ACTR5: variants seen among roughly 807,000 people sequenced by gnomAD.
ACTR5 encodes the protein actin-related protein 5.
A neutral mutation model predicts 61.2 loss-of-function variants in ACTR5; 43 were observed. That is an observed-to-expected ratio of 0.70 (90% confidence interval 0.55 to 0.91). The LOEUF is 0.91. Ranked by LOEUF, ACTR5 falls within the 40% of genes least tolerant of loss-of-function variation. The probability of loss-of-function intolerance (pLI) is 0.00; values close to 1 mark genes in which losing one functional copy is unlikely to be tolerated. For missense variants in ACTR5, 798 were observed against 782.2 expected, an observed-to-expected ratio of 1.02 and a Z score of -0.24; for synonymous variants, 333 against 310.5, an observed-to-expected ratio of 1.07 and a Z score of -0.76.
intron 5 of ACTR5, among the ~76,000 whole-genome samples, chr20:38,762,537 G>A (rs1185750968): frequency 6.6e-6 from 1 of 152,212 alleles, no homozygotes. Context: ...TGGGATAGAA[G>A]TCACTGTTGT....
intron 1 of ACTR5, among the ~76,000 whole-genome samples, chr20:38,749,084 C>T (rs1324576224): frequency 6.6e-6 from 1 of 152,212 alleles, no homozygotes; most frequent in Non-Finnish European, 1.5e-5. Flanking sequence ...CATTTATTAA[C>T]AAATACGTAT....
chr20:38,748,661 C>A lies in ACTR5; in HGVS notation c.183C>A (p.Phe61Leu), dbSNP rs779862363. The A allele has an allele frequency of 2.6e-6, 4 of 1,518,074 alleles. No individual in the cohort carries two copies. The highest frequency in any genetic ancestry group is 3.5e-6 in the Non-Finnish European group (4 of 1,135,648). The allele number at this position is 1,518,074 out of a possible 1,614,324, so 94.0% of individuals were successfully genotyped here. The stretch of plus-strand genomic sequence containing the variant: ...CAGGTCCCGAGCCGCGCCTGCAGTT[C>A]CGCGCGGTGTGCGCCCGCGGTCGTG... ...QDPGPEPRLQ[F>L]RAVCARGRGG... is the part of the protein sequence containing the mutation. The change falls in exon 1 of 9, where the codon TTC becomes TTA. Residue 61 changes from phenylalanine (F) to leucine (L), a missense_variant. Transcript: ENST00000243903.
rs1463974757 is a variant in ACTR5 at position 38,748,505 on chromosome 20, C to T, written c.27C>T (p.Arg9=). The T allele has an allele frequency of 1.3e-6, 2 of 1,495,350 alleles. No homozygotes were observed. The highest frequency in any genetic ancestry group is 8.9e-7 in the Non-Finnish European group (1 of 1,129,044). The allele number at this position is 1,495,350 out of a possible 1,614,324, so 92.6% of individuals were successfully genotyped here. A position where few individuals can be genotyped will look rare whatever the true frequency, so the allele number is the denominator to read the frequency against. The change falls in exon 1 of 9, where the codon CGC becomes CGT. Residue 9 remains arginine (R), a synonymous_variant. Transcript: ENST00000243903. MAANVFPF[R]DARAAPDPVL... ...TGGCGGCGAACGTGTTCCCGTTCCGCGACGCCCGTGCCGCACCGGACCCAG... is the reference window on the plus strand; with the variant it reads ...TGGCGGCGAACGTGTTCCCGTTCCGTGACGCCCGTGCCGCACCGGACCCAG...
At position 38,752,203 on chromosome 20, in the gene ACTR5, C is replaced by G. The variant is rs762344577; in HGVS notation, c.678C>G (p.Leu226=). The G allele has an allele frequency of 6.2e-7, 1 of 1,614,028 alleles. No homozygotes were observed. The highest frequency in any genetic ancestry group is 8.5e-7 in the Non-Finnish European group (1 of 1,179,998). ...CAGCTGGTTACCTCCAGCGTCTCCT[C>G]CAGCTGAAGTACCCTGGGCACCTGG... is the stretch of plus-strand genomic sequence containing the variant. ...SQAAGYLQRL[L]QLKYPGHLAA... The change falls in exon 3 of 9, where the codon CTC becomes CTG. Residue 226 remains leucine (L), a synonymous_variant. Coordinates refer to ENST00000243903, the MANE Select transcript of ACTR5 (RefSeq NM_024855.4).
chr20:38,760,776 A>C (rs553581449), intron 5 of ACTR5, among the ~76,000 whole-genome samples: 1 of 152,324 alleles, frequency 6.6e-6, no homozygotes, highest in African/African-American at 2.4e-5. Flanking sequence ...GGCTGTATTG[A>C]AAGGCAGTGG....
At chr20:38,765,001 A>T (rs903974197) in intron 5 of ACTR5, among the ~76,000 whole-genome samples, 4 of 152,228 alleles carry the variant, frequency 2.6e-5, no homozygotes, top group African/African-American at 9.6e-5. Context: ...TTATTAAAAG[A>T]TTGCTTTAAC....
intron 5 of ACTR5, among the ~76,000 whole-genome samples, chr20:38,762,984 G>A (rs910268687): frequency 6.6e-6 from 1 of 152,176 alleles, no homozygotes; most frequent in Non-Finnish European, 1.5e-5. Flanking sequence ...AAAGGGAAGA[G>A]GGAAGCGTTG....
At chr20:38,758,472 C>A (rs2084433490) in intron 5 of ACTR5, among the ~76,000 whole-genome samples, 1 of 152,074 alleles carries the variant, frequency 6.6e-6, no homozygotes, top group African/African-American at 2.4e-5. Flanking sequence ...CATGGTGAAA[C>A]CCTGTCTCTA....
chr20:38,763,022 G>C (rs1376862059), intron 5 of ACTR5, among the ~76,000 whole-genome samples: 3 of 152,230 alleles, frequency 2.0e-5, no homozygotes, highest in African/African-American at 7.2e-5. Context: ...GCTGCCCTAA[G>C]TTCACGTCCC....
At chr20:38,755,274 G>C in intron 4 of ACTR5, 100 bp downstream of exon 4, 1 of 1,308,614 alleles carries the variant, frequency 7.6e-7, no homozygotes, top group Middle Eastern at 2.7e-4. Flanking sequence ...TGCTTTGACT[G>C]TTTGTCACCT....
intron 8 of ACTR5, 138 bp downstream of exon 8, chr20:38,767,734 T>C: frequency 2.1e-6 from 2 of 972,944 alleles, no homozygotes; most frequent in South Asian, 3.8e-5. Flanking sequence ...ATGCTTAATT[T>C]TTAAAGCAAA....
Position 38,771,828 on chromosome 20 carries a change from C to G in ACTR5, c.*12C>G. 6.2e-7 allele frequency: 1 copy of G among 1,606,020 alleles called. No individual in the cohort carries two copies. The highest frequency in any genetic ancestry group is 8.5e-7 in the Non-Finnish European group (1 of 1,177,814). The stretch of plus-strand genomic sequence containing the variant: ...GTGAGCAGGCATAGCAGAGGCCCTC[C>G]AGAGAGACTGCCCTGCACGCCATGC... On this transcript the variant is annotated 3_prime_UTR_variant, in exon 9 of 9. Transcript: ENST00000243903.
intron 5 of ACTR5, 56 bp from the exon 6 acceptor site, chr20:38,765,346 T>C (rs1475751305): frequency 1.4e-5 from 18 of 1,258,380 alleles, no homozygotes; most frequent in Non-Finnish European, 2.0e-5. Context: ...ACTAAAATGA[T>C]AGAACTGAGG....
At chr20:38,750,287 GA>G in intron 2 of ACTR5, 48 bp downstream of exon 2, 8 of 1,519,888 alleles carry the variant, frequency 5.3e-6, no homozygotes, top group African/African-American at 1.4e-5. Context: ...AAGCATTCAG[GA>G]AACATTTATT....
Position 38,749,066 on chromosome 20 carries a change from A to G in ACTR5, c.375+213A>G, listed in dbSNP as rs118023227. Reference sequence around the variant, plus strand: ...CTTTGGGCATATATGCTTGTTTGTTAAGAAGCCCATTTATTAACAAATACG... The same window carrying G: ...CTTTGGGCATATATGCTTGTTTGTTGAGAAGCCCATTTATTAACAAATACG... On this transcript the variant is annotated intron_variant, in intron 1 of 8. Transcript: ENST00000243903. 9.7e-3 allele frequency among the ~76,000 whole-genome samples: 1,473 copies of G among 152,238 alleles called. 11 individuals carry two copies. Among genetic ancestry groups the G allele is most frequent in the Non-Finnish European group, 0.016 (1,057 of 68,004 alleles).
rs369043386 is a variant in ACTR5, at chr20:38,750,213, G to A, written c.579G>A (p.Thr193=). Residue 193 remains threonine (T), a synonymous_variant, in exon 2 of 9, where the codon ACG becomes ACA. Coordinates refer to ENST00000243903, the MANE Select transcript of ACTR5 (RefSeq NM_024855.4). ...GLIISSGYQC[T]HVLPILEGRL... ...TCATTTCATCTGGATACCAGTGTAC[G>A]CATGTTTTACCCATCTTAGAAGGGA... 6 of 1,614,136 alleles carry A rather than the reference G, an allele frequency of 3.7e-6. No homozygotes were observed. The highest frequency in any genetic ancestry group is 1.7e-5 in the Admixed American group (1 of 60,012).
In ACTR5 at chr20:38,748,623, C is replaced by T. The variant is rs867970435; in HGVS notation, c.145C>T (p.Pro49Ser). ...CCAAGTCCGCGCTGGCTGGGCGTGT[C>T]CCGGGCAGGACCCAGGTCCCGAGCC... ...SFQVRAGWAC[P>S]GQDPGPEPRL... The change falls in exon 1 of 9, where the codon CCC becomes TCC. Residue 49 changes from proline (P) to serine (S), a missense_variant. Coordinates refer to ENST00000243903, the MANE Select transcript of ACTR5 (RefSeq NM_024855.4). 19 of 1,522,920 alleles carry T rather than the reference C, an allele frequency of 1.2e-5. No individual in the cohort carries two copies. Among genetic ancestry groups the T allele is most frequent in the Non-Finnish European group, 1.6e-5 (18 of 1,137,430 alleles). 94.3% of individuals were successfully genotyped at this position (1,522,920 alleles called of 1,614,324 possible).
chr20:38,754,581 T>A (rs1341640659), intron 3 of ACTR5, among the ~76,000 whole-genome samples: 1 of 151,764 alleles, frequency 6.6e-6, no homozygotes, highest in Non-Finnish European at 1.5e-5. Flanking sequence ...TAGCCGGGCA[T>A]GGTGGCAGGC....
intron 5 of ACTR5, among the ~76,000 whole-genome samples, chr20:38,756,310 C>T (rs186374183): frequency 1.3e-5 from 2 of 152,348 alleles, no homozygotes; most frequent in East Asian, 1.9e-4. Context: ...GAACCTAAAC[C>T]AGCTCCACTG....
Sources: gnomAD v4.1 joint callset for allele counts (sites outside exome capture counted in the v4.1 genomes callset) on GRCh38, gnomAD v4.1.1 for gene constraint, MANE v1.5 for transcripts, NCBI Gene and HGNC (gene_info 2026-07-23, HGNC 2026-07-21) for gene names.